Variants in DLEU7 observed in about 807,000 individuals in gnomAD.
DLEU7 encodes the protein leukemia-associated protein 7.
DLEU7 carries 17 observed loss-of-function variants against 16.0 expected under a neutral mutation model. That is an observed-to-expected ratio of 1.06 (90% CI 0.73 to 1.59). The LOEUF is 1.59. Ranked by LOEUF, DLEU7 falls within the 40% of genes most tolerant of loss-of-function variation. The pLI, the probability that DLEU7 is intolerant of heterozygous loss-of-function variation, is 0.00. For missense variants in DLEU7, 308 were observed against 314.9 expected, an observed-to-expected ratio of 0.98 and a Z score of 0.17; for synonymous variants, 113 against 139.8, an observed-to-expected ratio of 0.81 and a Z score of 1.35.
At chr13:50,777,581 C>T in intron 1 of DLEU7, among the ~76,000 whole-genome samples, 1 of 152,160 alleles carries the variant, frequency 6.6e-6, no homozygotes, top group Non-Finnish European at 1.5e-5. Flanking sequence ...ATGTATATAT[C>T]CTATTAGTTC....
At chr13:50,730,123 C>T (rs2706234) in intron 1 of DLEU7, among the ~76,000 whole-genome samples, 28,426 of 151,456 alleles carry the variant, frequency 0.19, 3,024 homozygotes, top group African/African-American at 0.29. Context: ...GGTCTTTATG[C>T]TTGTTGTCTT....
At chr13:50,775,126 T>C (rs926730096) in intron 1 of DLEU7, among the ~76,000 whole-genome samples, 6 of 152,040 alleles carry the variant, frequency 3.9e-5, no homozygotes, top group Non-Finnish European at 8.8e-5. Flanking sequence ...CTCTGGGGTA[T>C]GTGTTACACT....
At chr13:50,724,652 T>G (rs1272369588) in intron 1 of DLEU7, among the ~76,000 whole-genome samples, 4 of 152,190 alleles carry the variant, frequency 2.6e-5, no homozygotes, top group Non-Finnish European at 5.9e-5. Flanking sequence ...ATAGAGGAGA[T>G]TCTGTCAACC....
At chr13:50,759,679 A>G (rs543493502) in intron 1 of DLEU7, among the ~76,000 whole-genome samples, 1 of 152,268 alleles carries the variant, frequency 6.6e-6, no homozygotes, top group Non-Finnish European at 1.5e-5. Context: ...TTCCCAGTGG[A>G]AAAACACCAG....
At chr13:50,719,299 C>A (rs191213244) in intron 1 of DLEU7, among the ~76,000 whole-genome samples, 1 of 152,190 alleles carries the variant, frequency 6.6e-6, no homozygotes, top group Admixed American at 6.5e-5. Flanking sequence ...TTAAGGAATT[C>A]TGTTACAACA....
rs1214810445 is a variant in DLEU7 at position 50,843,454 on chromosome 13, G to A, written c.193C>T (p.Arg65Cys). 1.5e-6 allele frequency: 2 copies of A among 1,318,898 alleles called. No individual in the cohort carries two copies. Among genetic ancestry groups the A allele is most frequent in the East Asian group, 3.1e-5 (1 of 31,874 alleles). The allele number at this position is 1,318,898 out of a possible 1,614,324, so 81.7% of individuals were successfully genotyped here. Residue 65 changes from arginine (R) to cysteine (C), a missense_variant, in exon 1 of 2, where the codon CGC (arginine) becomes TGC (cysteine). By Grantham distance (180) the Arg-to-Cys change is radical. Transcript: ENST00000504404. This position sits in a 1 kb window ranked among gnomAD's most constrained non-coding sequence, Gnocchi z 5.7. ...GPPRARPGPG[R>C]EERGGGVGTR... ...CCCACGCCCCCGCCCCGCTCCTCGC[G>A]CCCGGGCCCCGGCCGGGCCCGCGGC... is the stretch of plus-strand genomic sequence containing the variant.
intron 1 of DLEU7, among the ~76,000 whole-genome samples, chr13:50,717,472 T>C (rs1335745038): frequency 6.6e-6 from 1 of 152,226 alleles, no homozygotes; most frequent in Non-Finnish European, 1.5e-5. Flanking sequence ...GTTGCTGATG[T>C]TTCCAAAATG....
chr13:50,770,920 T>C (rs980468513), intron 1 of DLEU7, among the ~76,000 whole-genome samples: 1 of 152,232 alleles, frequency 6.6e-6, no homozygotes, highest in Non-Finnish European at 1.5e-5. Flanking sequence ...GTTGGTAGGA[T>C]ATTAATTATT....
At chr13:50,741,720 TAAAA>T (rs1245677890) in intron 1 of DLEU7, among the ~76,000 whole-genome samples, 1 of 152,190 alleles carries the variant, frequency 6.6e-6, no homozygotes, top group African/African-American at 2.4e-5. Context: ...ATTAATATCA[TAAAA>T]GAAATAGCAT....
At chr13:50,765,117 A>C (rs746407036) in intron 1 of DLEU7, among the ~76,000 whole-genome samples, 1 of 152,154 alleles carries the variant, frequency 6.6e-6, no homozygotes, top group African/African-American at 2.4e-5. Context: ...TCCTGACCTC[A>C]GGTGATCCAC....
At chr13:50,712,339 C>T (rs1873315864) in exon 2 of DLEU7, 1 of 152,102 alleles carries the variant, frequency 6.6e-6, no homozygotes, top group Non-Finnish European at 1.5e-5. Flanking sequence ...TTGTTTTTTT[C>T]CTTGAGGTTT....
At chr13:50,840,339 TCTC>T (rs1471453630) in intron 1 of DLEU7, among the ~76,000 whole-genome samples, 1 of 152,166 alleles carries the variant, frequency 6.6e-6, no homozygotes, top group Admixed American at 6.5e-5. Flanking sequence ...CAGAATGCCA[TCTC>T]CTCAAGTCTA....
chr13:50,730,354 AAG>A (rs774860796), intron 1 of DLEU7, among the ~76,000 whole-genome samples: 12 of 152,200 alleles, frequency 7.9e-5, no homozygotes, highest in Non-Finnish European at 1.6e-4. Flanking sequence ...AGGTAAGAGA[AAG>A]AGTATTTAAA....
chr13:50,764,758 T>C (rs947421198), intron 1 of DLEU7, among the ~76,000 whole-genome samples: 2 of 152,188 alleles, frequency 1.3e-5, no homozygotes, highest in Admixed American at 1.3e-4. Flanking sequence ...CTCCATCAGA[T>C]AGTCCATGAA....
rs375155481 is a variant in DLEU7 at position 50,843,159 on chromosome 13, C to A, written c.459+29G>T. ...GGAGGATGGGAGGTTACCCTGCACG[C>A]CAGAGGGGATGGCGGGGGCCAGACT... On this transcript the variant is annotated intron_variant, in intron 1 of 1. Coordinates refer to ENST00000504404, the MANE Select transcript of DLEU7 (RefSeq NM_001306135.2). This position sits in a 1 kb window ranked among gnomAD's most constrained non-coding sequence, Gnocchi z 5.7. 6.3e-7 allele frequency: 1 copy of A among 1,575,180 alleles called. No individual in the cohort carries two copies. The highest frequency in any genetic ancestry group is 8.6e-7 in the Non-Finnish European group (1 of 1,162,780).
chr13:50,780,890 G>C (rs575926842), intron 1 of DLEU7, among the ~76,000 whole-genome samples: 9 of 152,210 alleles, frequency 5.9e-5, no homozygotes, highest in Non-Finnish European at 1.3e-4. Flanking sequence ...GTCTCCGCTC[G>C]TTTCCCCTGT....
At chr13:50,735,329 C>T (rs1403523450) in intron 1 of DLEU7, among the ~76,000 whole-genome samples, 2 of 152,114 alleles carry the variant, frequency 1.3e-5, no homozygotes, top group Admixed American at 6.6e-5. Flanking sequence ...AGTACTTCAT[C>T]AAGCAACAGC....
At chr13:50,737,058 G>A (rs552281874) in intron 1 of DLEU7, among the ~76,000 whole-genome samples, 17 of 152,108 alleles carry the variant, frequency 1.1e-4, no homozygotes, top group African/African-American at 4.1e-4. Context: ...GAGTTTGTGG[G>A]GTGGGGGAAC....
At chr13:50,809,944 G>A (rs1464626500) in intron 1 of DLEU7, among the ~76,000 whole-genome samples, 1 of 151,948 alleles carries the variant, frequency 6.6e-6, no homozygotes, top group Admixed American at 6.6e-5. Flanking sequence ...GTGACACAGT[G>A]TCACACATGA....
Sources: allele counts gnomAD v4.1 joint callset (sites outside exome capture counted in the v4.1 genomes callset), GRCh38; gene constraint gnomAD v4.1.1; non-coding constraint Gnocchi (gnomAD v3.1); transcripts MANE v1.5; gene names NCBI Gene and HGNC (gene_info 2026-07-23, HGNC 2026-07-21).